RASGRF1: variants seen among roughly 807,000 people sequenced by gnomAD.
RASGRF1 encodes the protein ras-specific guanine nucleotide-releasing factor 1.
Under a neutral mutation model 138.7 loss-of-function variants are expected in RASGRF1, and 40 were observed. The ratio of observed to expected loss-of-function variants is 0.29; its 90% CI spans 0.22 to 0.38. The LOEUF (loss-of-function observed/expected upper bound fraction) is 0.38. Ranked by LOEUF, RASGRF1 falls within the 10% of genes least tolerant of loss-of-function variation. The pLI is 1.00. For synonymous variants in RASGRF1, 614 were observed against 663.2 expected (o/e 0.93, Z 1.14); for missense variants, 1,108 against 1,650.4 (o/e 0.67, Z 5.69).
intron 26 of RASGRF1, among the ~76,000 whole-genome samples, chr15:78,965,005 ACCG>A (rs2055615551): frequency 6.6e-6 from 1 of 152,116 alleles, no homozygotes; most frequent in Non-Finnish European, 1.5e-5. Context: ...AGCATGAGCC[ACCG>A]CGCCCGGCCG....
At chr15:79,088,784 C>T (rs1566975795) in intron 1 of RASGRF1, among the ~76,000 whole-genome samples, 1 of 152,202 alleles carries the variant, frequency 6.6e-6, no homozygotes. Context: ...ACTGGCTCTT[C>T]CACATGAGTT....
Position 79,032,225 on chromosome 15 carries a change from G to A in RASGRF1, c.1050C>T (p.Cys350=), listed in dbSNP as rs1284677609. Reference sequence around the variant, plus strand: ...GCTTGTCGAAGTCACGGTTCTGCTTGCAGTGGGCCAGGATCTGCAGGCTGT... The same window carrying A: ...GCTTGTCGAAGTCACGGTTCTGCTTACAGTGGGCCAGGATCTGCAGGCTGT... ...HQYSLQILAH[C]KQNRDFDKLL... is the part of the protein sequence containing the mutation. Residue 350 remains cysteine, a synonymous_variant, in exon 7 of 27, where the codon TGC becomes TGT. Transcript: ENST00000558480. This position sits in a 1 kb window ranked among gnomAD's most constrained non-coding sequence, Gnocchi z 4.5. 1 of 1,614,076 alleles carries A rather than the reference G, an allele frequency of 6.2e-7. No homozygotes were observed. The highest frequency in any genetic ancestry group is 8.5e-7 in the Non-Finnish European group (1 of 1,179,974).
At chr15:79,025,216 C>T in intron 10 of RASGRF1, 98 bp downstream of exon 10, 3 of 1,369,920 alleles carry the variant, frequency 2.2e-6, no homozygotes, top group Non-Finnish European at 2.9e-6. Flanking sequence ...GTCTCTGACA[C>T]CCCTGCCCAC....
chr15:79,070,196 T>C (rs2057736463), intron 1 of RASGRF1, among the ~76,000 whole-genome samples: 1 of 152,174 alleles, frequency 6.6e-6, no homozygotes, highest in African/African-American at 2.4e-5. Context: ...GTCCCGTTGA[T>C]CTTCTGGGAC....
At chr15:79,048,743 C>T (rs544324768) in intron 4 of RASGRF1, among the ~76,000 whole-genome samples, 21 of 152,336 alleles carry the variant, frequency 1.4e-4, no homozygotes, top group South Asian at 6.2e-4. Context: ...CACACTGGTA[C>T]GCTGAACTTG....
chr15:79,063,778 T>C (rs1567602290), intron 2 of RASGRF1, among the ~76,000 whole-genome samples: 3 of 152,280 alleles, frequency 2.0e-5, no homozygotes, highest in South Asian at 2.1e-4. Flanking sequence ...TGCCAGGCGA[T>C]TGTCAGCTCT....
chr15:79,059,924 A>G (rs976681279), intron 2 of RASGRF1, among the ~76,000 whole-genome samples: 2 of 151,652 alleles, frequency 1.3e-5, no homozygotes, highest in African/African-American at 2.4e-5. Context: ...TTAATACTCA[A>G]TATGGCTGTG....
chr15:78,972,551 G>A (rs2055785519), intron 25 of RASGRF1, among the ~76,000 whole-genome samples: 3 of 151,750 alleles, frequency 2.0e-5, no homozygotes, highest in Non-Finnish European at 2.9e-5. Flanking sequence ...AAAACCCCAC[G>A]ACTCCAGCAA....
In RASGRF1 at chr15:79,027,979, A is replaced by T; in HGVS notation, c.1263-120T>A. On this transcript the variant is annotated intron_variant, in intron 8 of 26. Transcript: ENST00000558480. This position sits in a 1 kb window ranked among gnomAD's most constrained non-coding sequence, Gnocchi z 4.8. ...GCCTGGCACAAGGATTCTCAGGTGG[A>T]GTCTGTGGTCATGGAGGGGAAGGGA... The T allele has an allele frequency of 9.8e-7, 1 of 1,018,940 alleles. No individual in the cohort carries two copies. The highest frequency in any genetic ancestry group is 2.4e-5 in the East Asian group (1 of 41,910). The allele number at this position is 1,018,940 out of a possible 1,614,324, so 63.1% of individuals were successfully genotyped here. A position where few individuals can be genotyped will look rare whatever the true frequency, so the allele number is the denominator to read the frequency against.
intron 1 of RASGRF1, among the ~76,000 whole-genome samples, chr15:79,083,279 C>G (rs1366409495): frequency 6.6e-6 from 1 of 152,240 alleles, no homozygotes; most frequent in Non-Finnish European, 1.5e-5. Context: ...CTGCTCCCTG[C>G]ACGACAGTCG....
chr15:79,077,558 G>A (rs572449899), intron 1 of RASGRF1, among the ~76,000 whole-genome samples: 1 of 152,242 alleles, frequency 6.6e-6, no homozygotes, highest in South Asian at 2.1e-4. Flanking sequence ...CTGTCCTGAG[G>A]GCGTGGTGGG....
intron 7 of RASGRF1, 124 bp downstream of exon 7, chr15:79,031,999 C>T: frequency 2.5e-6 from 3 of 1,216,730 alleles, no homozygotes; most frequent in Non-Finnish European, 3.4e-6. Flanking sequence ...GCCCTGACCA[C>T]CTCCCCCGCC....
intron 22 of RASGRF1, among the ~76,000 whole-genome samples, chr15:78,989,877 G>A (rs1052348336): frequency 6.6e-6 from 1 of 152,272 alleles, no homozygotes. Flanking sequence ...CTGCTCCGAG[G>A]AGTAACCCCC....
intron 1 of RASGRF1, among the ~76,000 whole-genome samples, chr15:79,088,066 A>G (rs1472686559): frequency 6.6e-6 from 1 of 152,202 alleles, no homozygotes; most frequent in Non-Finnish European, 1.5e-5. Context: ...GGATGATTCA[A>G]TACCTGGGCC....
At position 79,032,066 on chromosome 15, in the gene RASGRF1, C is replaced by A; in HGVS notation, c.1152+57G>T. On this transcript the variant is annotated intron_variant, in intron 7 of 26. Transcript: ENST00000558480. This position sits in a 1 kb window ranked among gnomAD's most constrained non-coding sequence, Gnocchi z 4.5. ...AGCACTGTGCCCCCACCGCCATGGT[C>A]CATCCCCCACACCTGCCTCCCTGAC... 5 of 1,561,102 alleles carry A rather than the reference C, an allele frequency of 3.2e-6. No individual in the cohort carries two copies. The highest frequency in any genetic ancestry group is 4.3e-6 in the Non-Finnish European group (5 of 1,150,164).
At chr15:79,003,703 A>G in intron 15 of RASGRF1, 99 bp downstream of exon 15, 2 of 1,477,004 alleles carry the variant, frequency 1.4e-6, no homozygotes, top group Non-Finnish European at 1.8e-6. Flanking sequence ...TTCCTTCCCC[A>G]TGGGAGCAGG....
intron 22 of RASGRF1, among the ~76,000 whole-genome samples, chr15:78,988,421 T>C (rs2056204666): frequency 6.6e-6 from 1 of 152,222 alleles, no homozygotes; most frequent in African/African-American, 2.4e-5. Context: ...TTCCCGAGGC[T>C]TGGTCTCTGT....
chr15:79,005,863 G>A (rs759979102), intron 14 of RASGRF1, among the ~76,000 whole-genome samples: 2 of 151,718 alleles, frequency 1.3e-5, no homozygotes, highest in Non-Finnish European at 2.9e-5. Context: ...CTGTCCTTTG[G>A]TGACGGTGGG....
Position 79,058,357 on chromosome 15 carries a change from C to T in RASGRF1, c.508G>A (p.Glu170Lys), listed in dbSNP as rs765668961. The change falls in exon 3 of 27, where the codon GAG becomes AAG. Residue 170 changes from glutamate to lysine, a missense_variant. Coordinates refer to ENST00000558480, the MANE Select transcript of RASGRF1 (RefSeq NM_001145648.3). The stretch of plus-strand genomic sequence containing the variant: ...ACCTCTGCCTTCAGCCGCTCGATCT[C>T]GATCTCCCCATCCTCGATCTGCTGC... ...LRQQIEDGEI[E>K]IERLKAEITS... is the part of the protein sequence containing the mutation. 1.7e-5 allele frequency: 28 copies of T among 1,613,784 alleles called. No individual in the cohort carries two copies. The highest frequency in any genetic ancestry group is 1.6e-4 in the Middle Eastern group (1 of 6,078).
Sources: gnomAD v4.1 joint callset for allele counts (sites outside exome capture counted in the v4.1 genomes callset) on GRCh38, gnomAD v4.1.1 for gene constraint, Gnocchi (gnomAD v3.1) non-coding constraint, MANE v1.5 for transcripts, NCBI Gene and HGNC (gene_info 2026-07-23, HGNC 2026-07-21) for gene names.